Variants in SIM1 observed in about 807,000 individuals in gnomAD.
The protein encoded by SIM1 is SIM bHLH transcription factor 1, also known as single-minded homolog 1.
Under a neutral mutation model 78.2 loss-of-function variants are expected in SIM1, and 18 were observed. The observed-to-expected ratio is 0.23, with a 90% CI of 0.16 to 0.34. The LOEUF (loss-of-function observed/expected upper bound fraction) is 0.34, where lower values mean the gene tolerates loss of function less well. Ranked by LOEUF, SIM1 falls within the 10% of genes least tolerant of loss-of-function variation. SIM1 has a pLI of 1.00. For missense variants in SIM1, 939 were observed against 975.1 expected (o/e 0.96, Z 0.49); for synonymous variants, 417 against 385.2 (o/e 1.08, Z -0.97).
chr6:100,396,385 G>A (rs1770767982), intron 10 of SIM1, among the ~76,000 whole-genome samples: 1 of 152,104 alleles, frequency 6.6e-6, no homozygotes, highest in Non-Finnish European at 1.5e-5. Context: ...GAGTGTGTAT[G>A]GGAAAGTGCT....
Position 100,385,486 on chromosome 6 carries a change from G to A in SIM1, c.*4875C>T, listed in dbSNP as rs2114451146. 1 of 151,958 alleles carries A rather than the reference G, an allele frequency of 6.6e-6. No individual in the cohort carries two copies. Among genetic ancestry groups the A allele is most frequent in the Non-Finnish European group, 1.5e-5 (1 of 67,910 alleles). 9.4% of individuals were successfully genotyped at this position (151,958 alleles called of 1,614,324 possible). On this transcript the variant is annotated 3_prime_UTR_variant, in exon 12 of 12. Transcript: ENST00000369208. ...AAATGTAAACACATCAGGGTTACCG[G>A]GTGTAAGTTTAACAGTGATTACATG...
In SIM1 at chr6:100,463,381, G is replaced by A; in HGVS notation, c.88C>T (p.Pro30Ser). The change falls in exon 2 of 12, where the codon CCC (proline) becomes TCC (serine). Residue 30 changes from proline to serine, a missense_variant. By Grantham distance (74) the Pro-to-Ser change is moderately conservative. Around this residue, in one of 5 missense-constraint regions of SIM1, gnomAD observed 121 missense variants for 124.6 expected, o/e 0.97. Transcript: ENST00000369208. Reference sequence around the variant, plus strand: ...TCCAGCTGCGAGGTGATAGCCGAGGGCAAAGGCAGTAATTTAGCCAGTTCA... The same window carrying A: ...TCCAGCTGCGAGGTGATAGCCGAGGACAAAGGCAGTAATTTAGCCAGTTCA... Reference protein sequence around the residue: ...FYELAKLLPLPSAITSQLDKA... With the variant: ...FYELAKLLPLSSAITSQLDKA... 6.2e-7 allele frequency: 1 copy of A among 1,613,968 alleles called. No individual in the cohort carries two copies. Among genetic ancestry groups the A allele is most frequent in the Admixed American group, 1.7e-5 (1 of 60,018 alleles).
chr6:100,410,379 T>C (rs1771162785), intron 10 of SIM1, among the ~76,000 whole-genome samples: 1 of 152,208 alleles, frequency 6.6e-6, no homozygotes, highest in Admixed American at 6.5e-5. Context: ...TCCCATTTGA[T>C]TTAGCACAGT....
At chr6:100,400,010 C>T (rs1476183173) in intron 10 of SIM1, among the ~76,000 whole-genome samples, 1 of 151,680 alleles carries the variant, frequency 6.6e-6, no homozygotes, top group Non-Finnish European at 1.5e-5. Flanking sequence ...TTAAATAAAA[C>T]AAAACAAAAG....
chr6:100,400,546 A>G (rs1770889486), intron 10 of SIM1, among the ~76,000 whole-genome samples: 1 of 152,142 alleles, frequency 6.6e-6, no homozygotes, highest in South Asian at 2.1e-4. Context: ...TTCTGGAGGT[A>G]AAAACTGCAT....
rs536390122 is a variant in SIM1, at chr6:100,463,642, G to A, written c.-174C>T. 3.5e-6 allele frequency: 2 copies of A among 575,136 alleles called. No individual in the cohort carries two copies. The highest frequency in any genetic ancestry group is 5.8e-5 in the South Asian group (2 of 34,702). 35.6% of individuals were successfully genotyped at this position (575,136 alleles called of 1,614,324 possible). ...TATTGATGGCAGTAAAAGACCAGCGGGGGTGAACGGAAAATATGTTCTTTG... is the reference window on the plus strand; with the variant it reads ...TATTGATGGCAGTAAAAGACCAGCGAGGGTGAACGGAAAATATGTTCTTTG... On this transcript the variant is annotated 5_prime_UTR_variant, in exon 2 of 12. Transcript: ENST00000369208.
At chr6:100,460,799 CTGT>C (rs531935577) in intron 2 of SIM1, among the ~76,000 whole-genome samples, 60 of 152,076 alleles carry the variant, frequency 3.9e-4, no homozygotes, top group East Asian at 2.7e-3. Context: ...CCTTTGAAAG[CTGT>C]TGTTGTTGTT....
At chr6:100,415,576 A>G (rs1478510852) in intron 10 of SIM1, among the ~76,000 whole-genome samples, 10 of 152,210 alleles carry the variant, frequency 6.6e-5, no homozygotes, top group Non-Finnish European at 1.5e-5. Context: ...TAACTGAGTC[A>G]TTCATTAAGT....
At position 100,389,465 on chromosome 6, in the gene SIM1, T is replaced by C. The variant is rs1770581248; in HGVS notation, c.*896A>G. 5.0e-6 allele frequency: 2 copies of C among 396,344 alleles called. No individual in the cohort carries two copies. Among genetic ancestry groups the C allele is most frequent in the African/African-American group, 2.1e-5 (1 of 48,644 alleles). The allele number at this position is 396,344 out of a possible 1,614,324, so 24.6% of individuals were successfully genotyped here. ...GAATTGGTTTGAATTTTTTATTTAG[T>C]TGGTTTTACAAGCAAACCCCAAATA... On this transcript the variant is annotated 3_prime_UTR_variant, in exon 12 of 12. Coordinates refer to ENST00000369208, the MANE Select transcript of SIM1 (RefSeq NM_005068.3).
chr6:100,422,483 G>A (rs1178231407), intron 9 of SIM1, among the ~76,000 whole-genome samples: 2 of 152,168 alleles, frequency 1.3e-5, no homozygotes, highest in Non-Finnish European at 2.9e-5. Context: ...GATTGCAGGT[G>A]TAGGCCACTG....
chr6:100,401,568 CA>C (rs950618950), intron 10 of SIM1, among the ~76,000 whole-genome samples: 16 of 148,404 alleles, frequency 1.1e-4, no homozygotes, highest in Admixed American at 5.4e-4. Context: ...TAAAATGGTT[CA>C]AAAAAAATAA....
chr6:100,436,716 ATTTTGT>A (rs933604299), intron 9 of SIM1, among the ~76,000 whole-genome samples: 18 of 145,178 alleles, frequency 1.2e-4, no homozygotes, highest in Non-Finnish European at 2.3e-4. Context: ...TGTTTTTTGT[ATTTTGT>A]TTTTGTTTTT....
intron 10 of SIM1, among the ~76,000 whole-genome samples, chr6:100,417,495 G>A (rs1204227372): frequency 6.6e-6 from 1 of 152,104 alleles, no homozygotes; most frequent in Non-Finnish European, 1.5e-5. Context: ...ACACATAATA[G>A]CAATGATGCA....
intron 10 of SIM1, among the ~76,000 whole-genome samples, chr6:100,403,217 C>G (rs534560391): frequency 6.6e-6 from 1 of 152,140 alleles, no homozygotes; most frequent in Admixed American, 6.6e-5. Context: ...TCATGAAACA[C>G]GCAACCAAAT....
chr6:100,432,549 G>C (rs1476750805), intron 9 of SIM1, among the ~76,000 whole-genome samples: 1 of 151,950 alleles, frequency 6.6e-6, no homozygotes, highest in Non-Finnish European at 1.5e-5. Flanking sequence ...TCCCCAAGGC[G>C]TACCTCACTG....
intron 10 of SIM1, among the ~76,000 whole-genome samples, chr6:100,399,912 A>G (rs184722410): frequency 7.8e-4 from 118 of 152,194 alleles, no homozygotes; most frequent in Admixed American, 1.7e-3. Context: ...GGAAAGGCAA[A>G]CATAAACAAG....
intron 10 of SIM1, among the ~76,000 whole-genome samples, chr6:100,398,971 G>A (rs1299393292): frequency 4.0e-5 from 6 of 151,326 alleles, no homozygotes; most frequent in Non-Finnish European, 8.9e-5. Flanking sequence ...ATGTGTAGTA[G>A]TAGTAGTAGT....
At chr6:100,455,036 A>C (rs1367878891) in intron 2 of SIM1, among the ~76,000 whole-genome samples, 1 of 152,120 alleles carries the variant, frequency 6.6e-6, no homozygotes, top group African/African-American at 2.4e-5. Flanking sequence ...AGAAGTACAC[A>C]ATGATGAACA....
intron 10 of SIM1, among the ~76,000 whole-genome samples, chr6:100,398,933 T>TTGTGTGTGTG (rs370296648): frequency 8.2e-4 from 120 of 147,050 alleles, no homozygotes; most frequent in African/African-American, 2.9e-3. Context: ...ACACTTGTTA[T>TTGTGTGTGTG]TGTGTGTGTG....
Sources: allele counts gnomAD v4.1 joint callset (sites outside exome capture counted in the v4.1 genomes callset), GRCh38; gene constraint gnomAD v4.1.1; regional missense constraint gnomAD v4.1.1; transcripts MANE v1.5; gene names NCBI Gene and HGNC (gene_info 2026-07-23, HGNC 2026-07-21).